The following MRPL43 variants were observed in gnomAD, a reference collection of about 807,000 sequenced individuals.
MRPL43 encodes the protein large ribosomal subunit protein mL43.
In MRPL43, 9 loss-of-function variants were observed where a neutral mutation model predicts 12.7. The ratio of observed to expected loss-of-function variants is 0.71; its 90% CI spans 0.43 to 1.24. MRPL43 has a LOEUF of 1.24. MRPL43 is among the 50% of genes most tolerant of loss of function. The pLI is 0.00. For synonymous variants in MRPL43, 116 were observed against 96.4 expected (o/e 1.20, Z -1.19); for missense variants, 211 against 229.2 (o/e 0.92, Z 0.51).
chr10:100,985,110 C>T (rs148889377), downstream of MRPL43: 53 of 489,288 alleles, frequency 1.1e-4, no homozygotes, highest in Non-Finnish European at 1.6e-4. Flanking sequence ...ACCAACACTG[C>T]ACTCAATGAG....
At chr10:100,984,803 G>A (rs1186071819), downstream of MRPL43, 3 of 1,534,920 alleles carry the variant, frequency 2.0e-6, no homozygotes, top group Non-Finnish European at 2.6e-6. Flanking sequence ...AGCCTGGGGA[G>A]GTAAGACTGC....
downstream of MRPL43, chr10:100,983,624 A>G (rs762152467): frequency 6.2e-6 from 10 of 1,613,994 alleles, no homozygotes; most frequent in Non-Finnish European, 7.6e-6. Context: ...CACAGCTGGC[A>G]CCTGATGTGA....
rs757552429 is a variant in MRPL43, at chr10:100,987,341, G to T, written c.103C>A (p.Arg35Ser). The T allele has an allele frequency of 6.2e-7, 1 of 1,612,470 alleles. No individual in the cohort carries two copies. Among genetic ancestry groups the T allele is most frequent in the Non-Finnish European group, 8.5e-7 (1 of 1,179,844 alleles). ...GCGCCGCGAGACGAGGCGCCGTCGC[G>T]GCTGACGCTGAAGCTCAGACGCTGC... ...QLQRLSFSVS[R>S]DGASSRGARE... Residue 35 changes from arginine (R) to serine (S), a missense_variant, in exon 1 of 3, where the codon CGC becomes AGC. Transcript: ENST00000318364.
At chr10:100,978,249 C>A, downstream of MRPL43, 1 of 1,457,140 alleles carries the variant, frequency 6.9e-7, no homozygotes, top group Non-Finnish European at 9.5e-7. Flanking sequence ...AGCCACTGTC[C>A]CTGCCTGTCT....
chr10:100,981,764 G>C (rs185545203), downstream of MRPL43, among the ~76,000 whole-genome samples: 2 of 152,166 alleles, frequency 1.3e-5, no homozygotes, highest in Non-Finnish European at 2.9e-5. Flanking sequence ...AACTGGACCA[G>C]AATTCAAACC....
downstream of MRPL43, chr10:100,983,260 C>T (rs1419659284): frequency 6.8e-7 from 1 of 1,471,930 alleles, no homozygotes; most frequent in Non-Finnish European, 9.0e-7. Flanking sequence ...TCTCTAATCC[C>T]TTCCTGGGAC....
downstream of MRPL43, chr10:100,983,748 TACTC>T (rs748396129): frequency 1.2e-6 from 2 of 1,612,958 alleles, no homozygotes; most frequent in Non-Finnish European, 1.7e-6. Context: ...CCGACGGAAA[TACTC>T]ACTGGGTCGG....
Position 100,987,426 on chromosome 10 carries a change from A to G in MRPL43, c.18T>C (p.Thr6=). 1 of 1,612,286 alleles carries G rather than the reference A, an allele frequency of 6.2e-7. No homozygotes were observed. The highest frequency in any genetic ancestry group is 8.5e-7 in the Non-Finnish European group (1 of 1,179,860). Residue 6 remains threonine (T), a synonymous_variant, in exon 1 of 3, where the codon ACT becomes ACC. Transcript: ENST00000318364. ...GAACGCTGGCCAAGAAGCGGCTCGGAGTCCCGCGCGCCGTCATAGCTACAG... is the reference window on the plus strand; with the variant it reads ...GAACGCTGGCCAAGAAGCGGCTCGGGGTCCCGCGCGCCGTCATAGCTACAG... MTARG[T]PSRFLASVLH...
Position 100,986,336 on chromosome 10 carries a change from C to T in MRPL43, c.*398G>A. Reference sequence around the variant, plus strand: ...TCTGTATTCACACAGATATAAAGTGCCTAGCCCATCACAGCAGAGCTCTCC... The same window carrying T: ...TCTGTATTCACACAGATATAAAGTGTCTAGCCCATCACAGCAGAGCTCTCC... On this transcript the variant is annotated 3_prime_UTR_variant, in exon 3 of 3. Coordinates refer to ENST00000318364, the MANE Select transcript of MRPL43 (RefSeq NM_032112.3). 1.4e-6 allele frequency: 2 copies of T among 1,436,128 alleles called. No individual in the cohort carries two copies. Among genetic ancestry groups the T allele is most frequent in the Non-Finnish European group, 1.8e-6 (2 of 1,100,632 alleles). 89.0% of individuals were successfully genotyped at this position (1,436,128 alleles called of 1,614,324 possible). A position where few individuals can be genotyped will look rare whatever the true frequency, so the allele number is the denominator to read the frequency against.
At chr10:100,980,578 C>T (rs1851018889), downstream of MRPL43, 1 of 1,613,332 alleles carries the variant, frequency 6.2e-7, no homozygotes, top group East Asian at 2.2e-5. Flanking sequence ...TCCATACCAG[C>T]TGATGGCTGG....
chr10:100,981,264 C>T, downstream of MRPL43: 1 of 1,608,534 alleles, frequency 6.2e-7, no homozygotes, highest in Non-Finnish European at 8.5e-7. Flanking sequence ...TCTAGCTACG[C>T]AGACTGTCCT....
downstream of MRPL43, chr10:100,981,514 C>T (rs894823506): frequency 3.7e-6 from 6 of 1,614,064 alleles, no homozygotes; most frequent in Non-Finnish European, 4.2e-6. Flanking sequence ...GGGTATTTCC[C>T]CAAGGAAGAT....
downstream of MRPL43, chr10:100,981,047 A>C: frequency 1.3e-6 from 2 of 1,596,514 alleles, no homozygotes; most frequent in East Asian, 4.5e-5. Context: ...GTGGAGGAGG[A>C]AGGCCTGATA....
downstream of MRPL43, chr10:100,981,011 G>C: frequency 1.9e-6 from 3 of 1,593,094 alleles, no homozygotes; most frequent in South Asian, 1.1e-5. Context: ...GGAAGTGGTG[G>C]GGGGTGACAG....
chr10:100,981,914 C>T (rs1851098150), downstream of MRPL43, among the ~76,000 whole-genome samples: 1 of 151,534 alleles, frequency 6.6e-6, no homozygotes, highest in Non-Finnish European at 1.5e-5. Flanking sequence ...AAAAATTAGC[C>T]GGGTGTGGTG....
At chr10:100,984,687 A>C (rs748317224), downstream of MRPL43, 8 of 1,535,886 alleles carry the variant, frequency 5.2e-6, no homozygotes, top group African/African-American at 9.6e-5. Flanking sequence ...TTCTTGTTTC[A>C]TCCCTGCTTC....
chr10:100,978,831 A>G (rs980279092), downstream of MRPL43: 1 of 1,611,172 alleles, frequency 6.2e-7, no homozygotes, highest in Non-Finnish European at 8.5e-7. Context: ...AAAGCCTCTC[A>G]AACTGCCTGA....
chr10:100,978,113 A>G (rs1850880577), downstream of MRPL43: 2 of 595,912 alleles, frequency 3.4e-6, no homozygotes, highest in East Asian at 5.6e-5. Flanking sequence ...CTCCAAACAT[A>G]CATTGTTTTG....
rs573102142 is a variant in MRPL43, at chr10:100,987,037, T to C, written c.238+53A>G. The C allele has an allele frequency of 9.5e-5, 153 of 1,607,744 alleles. 1 individual carries two copies. The highest frequency in any genetic ancestry group is 1.2e-4 in the Non-Finnish European group (138 of 1,179,042). On this transcript the variant is annotated intron_variant, in intron 2 of 2. Transcript: ENST00000318364. ...CGGTGCGACCAAGCGAGAAGGAGGA[T>C]AGCGGGTCGAGCCCCTGATCCCGCC...
Sources: allele counts gnomAD v4.1 joint callset (sites outside exome capture counted in the v4.1 genomes callset), GRCh38; gene constraint gnomAD v4.1.1; transcripts MANE v1.5; gene names NCBI Gene and HGNC (gene_info 2026-07-23, HGNC 2026-07-21).